Variants in RXFP1 observed in about 807,000 individuals in gnomAD.
RXFP1 encodes the protein relaxin family peptide receptor 1.
RXFP1 carries 73 observed loss-of-function variants against 89.8 expected under a neutral mutation model. The observed-to-expected ratio is 0.81, with a 90% CI of 0.67 to 0.99. The LOEUF is 0.99. Among genes scored for constraint, RXFP1 ranks in the 50% least tolerant of loss-of-function variants. The pLI is 0.00. For missense variants in RXFP1, 793 were observed against 895.5 expected, an observed-to-expected ratio of 0.89 and a Z score of 1.46; for synonymous variants, 277 against 305.5, an observed-to-expected ratio of 0.91 and a Z score of 0.97.
At chr4:158,617,369 C>A (rs545418693) in intron 9 of RXFP1, among the ~76,000 whole-genome samples, 164 bp downstream of exon 9, 1 of 150,706 alleles carries the variant, frequency 6.6e-6, no homozygotes. Flanking sequence ...TGTTAAACAT[C>A]TACATTATCT....
intron 6 of RXFP1, among the ~76,000 whole-genome samples, chr4:158,608,795 T>C (rs1763019423): frequency 1.3e-5 from 2 of 152,136 alleles, no homozygotes; most frequent in Admixed American, 6.5e-5. Context: ...TCTCTCCCAA[T>C]TTCCCCCTCT....
At chr4:158,631,578 A>C (rs1350983166) in intron 11 of RXFP1, among the ~76,000 whole-genome samples, 1 of 152,208 alleles carries the variant, frequency 6.6e-6, no homozygotes, top group Non-Finnish European at 1.5e-5. Context: ...TAGGAGAACA[A>C]AGGACAAAAC....
intron 1 of RXFP1, among the ~76,000 whole-genome samples, chr4:158,546,135 G>A (rs941739413): frequency 3.9e-5 from 6 of 151,936 alleles, no homozygotes; most frequent in Non-Finnish European, 7.4e-5. Context: ...TTGAGCAGTG[G>A]TTTGTAGTTC....
At chr4:158,551,431 C>G (rs577018410) in intron 1 of RXFP1, among the ~76,000 whole-genome samples, 1 of 152,104 alleles carries the variant, frequency 6.6e-6, no homozygotes, top group Non-Finnish European at 1.5e-5. Context: ...ATCTGTCGTA[C>G]AGCATGGTGA....
rs567893061 is a variant in RXFP1, at chr4:158,569,480, T to C, written c.50-3218T>C. On this transcript the variant is annotated intron_variant, in intron 1 of 17. Transcript: ENST00000307765. Reference sequence around the variant, plus strand: ...TCATCAACTGCAACAAATGCACCACTCTGGACTGGGGAGAGTGTTGATGGT... The same window carrying C: ...TCATCAACTGCAACAAATGCACCACCCTGGACTGGGGAGAGTGTTGATGGT... Among the ~76,000 whole-genome samples, 3 of 152,292 alleles carry C rather than the reference T, an allele frequency of 2.0e-5. No homozygotes were observed. In the South Asian group the frequency reaches 6.2e-4, roughly 32 times the overall value.
At chr4:158,545,953 G>A (rs1398773575) in intron 1 of RXFP1, among the ~76,000 whole-genome samples, 2 of 151,522 alleles carry the variant, frequency 1.3e-5, no homozygotes, top group South Asian at 2.1e-4. Context: ...CGTTCCATAT[G>A]AACTTTAAAG....
In RXFP1 at chr4:158,651,960, GA is replaced by G. The variant is rs1464195083; in HGVS notation, c.2180del (p.Glu727GlyfsTer6). ...CTGGGTGGAAATGTGGCCACTGCAG[GA>G]GATGCCACCTGAGTTAATGAAGCCG... ...FIWVEMWPLQ[E>X]MPPELMKPDL... On this transcript the variant is annotated frameshift_variant, in exon 18 of 18. Transcript: ENST00000307765. LOFTEE classifies it high-confidence loss of function. 2 of 1,614,104 alleles carry G rather than the reference GA, an allele frequency of 1.2e-6. No individual in the cohort carries two copies. The highest frequency in any genetic ancestry group is 2.2e-5 in the South Asian group (2 of 91,070).
intron 2 of RXFP1, among the ~76,000 whole-genome samples, chr4:158,575,657 G>C (rs1231945129): frequency 6.6e-6 from 1 of 152,174 alleles, no homozygotes; most frequent in Non-Finnish European, 1.5e-5. Context: ...GAACCAGAAA[G>C]TGGGCCATCA....
rs1756333672 is a variant in RXFP1 at position 158,576,781 on chromosome 4, A to G, written c.187+3946A>G. ...AAAAAAAAAATTAATTCCGTTCAAA[A>G]CCTCAAAGATGCCCAGTTGGCATGC... On this transcript the variant is annotated intron_variant, in intron 2 of 17. Coordinates refer to ENST00000307765, the MANE Select transcript of RXFP1 (RefSeq NM_021634.4). Among the ~76,000 whole-genome samples the G allele has an allele frequency of 5.3e-5, 8 of 152,284 alleles. No individual in the cohort carries two copies. The South Asian group carries it at 1.5e-3, about 28-fold the overall frequency.
rs1266191758 is a variant in RXFP1 at position 158,651,761 on chromosome 4, C to T, written c.1980C>T (p.Thr660=). The T allele has an allele frequency of 6.2e-7, 1 of 1,600,726 alleles. No homozygotes were observed. The highest frequency in any genetic ancestry group is 8.5e-7 in the Non-Finnish European group (1 of 1,173,486). Residue 660 remains threonine (T), a synonymous_variant, in exon 18 of 18, where the codon ACC becomes ACT. Transcript: ENST00000307765. The stretch of plus-strand genomic sequence containing the variant: ...TATTTCATTTTTCTTTTTTAGGTAC[C>T]ATAACCTCTTGGGTAGTGATTTTTA... ...LSLLQVEIPG[T]ITSWVVIFIL...
At chr4:158,583,867 C>T (rs913027249) in intron 2 of RXFP1, among the ~76,000 whole-genome samples, 9 of 152,142 alleles carry the variant, frequency 5.9e-5, no homozygotes, top group Admixed American at 4.6e-4. Flanking sequence ...CTTTGATTTC[C>T]ATAAACAGTT....
At chr4:158,592,764 A>G (rs1215805612) in intron 2 of RXFP1, among the ~76,000 whole-genome samples, 2 of 152,108 alleles carry the variant, frequency 1.3e-5, no homozygotes, top group African/African-American at 2.4e-5. Context: ...TCAAAATATT[A>G]CTTACTTCAG....
intron 1 of RXFP1, among the ~76,000 whole-genome samples, chr4:158,525,702 G>A (rs750367208): frequency 6.6e-6 from 1 of 152,202 alleles, no homozygotes; most frequent in South Asian, 2.1e-4. Flanking sequence ...CTCCATGGAT[G>A]AGGAACAATG....
chr4:158,534,542 C>T (rs1296133378), intron 1 of RXFP1, among the ~76,000 whole-genome samples: 1 of 152,034 alleles, frequency 6.6e-6, no homozygotes, highest in African/African-American at 2.4e-5. Flanking sequence ...CCACCGCGCC[C>T]GGCCTTATTC....
intron 1 of RXFP1, among the ~76,000 whole-genome samples, chr4:158,566,405 C>A (rs1035616835): frequency 6.6e-6 from 1 of 151,760 alleles, no homozygotes; most frequent in African/African-American, 2.4e-5. Flanking sequence ...CTCTTGTTGC[C>A]GAGGCTGGAG....
At chr4:158,546,892 A>G (rs937897868) in intron 1 of RXFP1, among the ~76,000 whole-genome samples, 4 of 152,140 alleles carry the variant, frequency 2.6e-5, no homozygotes, top group Admixed American at 2.6e-4. Flanking sequence ...TTCATCAAGG[A>G]TGTTGGTCTA....
chr4:158,561,288 C>T (rs1049003115), intron 1 of RXFP1, among the ~76,000 whole-genome samples: 6 of 152,080 alleles, frequency 3.9e-5, no homozygotes, highest in Admixed American at 6.6e-5. Flanking sequence ...TTTTGAAATC[C>T]GAAATGTTTC....
chr4:158,523,992 C>T (rs766915808), intron 1 of RXFP1, among the ~76,000 whole-genome samples: 2 of 152,208 alleles, frequency 1.3e-5, no homozygotes, highest in African/African-American at 4.8e-5. Context: ...CGCTTAGCTG[C>T]ACTACCATGT....
intron 3 of RXFP1, among the ~76,000 whole-genome samples, chr4:158,598,800 A>G (rs1220886442): frequency 2.0e-5 from 3 of 151,914 alleles, no homozygotes; most frequent in Non-Finnish European, 4.4e-5. Context: ...TTTTTTAAAA[A>G]ATTATTTGAA....
Sources: allele counts gnomAD v4.1 joint callset (sites outside exome capture counted in the v4.1 genomes callset), GRCh38; gene constraint gnomAD v4.1.1; transcripts MANE v1.5; gene names NCBI Gene and HGNC (gene_info 2026-07-23, HGNC 2026-07-21).